Variants in MYO3A observed in about 807,000 individuals in gnomAD.
The protein encoded by MYO3A is myosin IIIA.
In MYO3A, 180 loss-of-function variants were observed where a neutral mutation model predicts 192.7. The observed-to-expected ratio is 0.93, with a 90% confidence interval of 0.83 to 1.06. The LOEUF (loss-of-function observed/expected upper bound fraction) is 1.06. Among genes scored for constraint, MYO3A ranks in the 50% least tolerant of loss-of-function variants. The pLI, the probability that MYO3A is intolerant of heterozygous loss-of-function variation, is 0.00. For synonymous variants in MYO3A, 628 were observed against 645.3 expected (o/e 0.97, Z 0.41); for missense variants, 1,896 against 1,905.0 (o/e 1.00, Z 0.09).
intron 10 of MYO3A, among the ~76,000 whole-genome samples, chr10:26,044,051 T>C (rs1256655530): frequency 6.6e-6 from 1 of 152,154 alleles, no homozygotes; most frequent in African/African-American, 2.4e-5. Context: ...CAGGTCTTGG[T>C]TCTTCCCTTT....
chr10:26,026,641 CT>C, intron 10 of MYO3A, 109 bp downstream of exon 10: 1 of 1,290,278 alleles, frequency 7.8e-7, no homozygotes, highest in Non-Finnish European at 1.1e-6. Context: ...GTAATGGGGA[CT>C]TACATGAAAA....
rs555293987 is a variant in MYO3A at position 26,090,796 on chromosome 10, G to A, written c.1562+2391G>A. Among the ~76,000 whole-genome samples, 47 of 152,350 alleles carry A rather than the reference G, an allele frequency of 3.1e-4. No individual in the cohort carries two copies. The South Asian group carries it at 3.3e-3, about 11-fold the overall frequency. On this transcript the variant is annotated intron_variant, in intron 15 of 34. Transcript: ENST00000642920. ...TTTAACTGAGAAAACTGTTTACAGA[G>A]ATCACATGGGCATTGAAGAGCCAAG...
intron 17 of MYO3A, among the ~76,000 whole-genome samples, chr10:26,099,393 A>G (rs1837283183): frequency 6.6e-6 from 1 of 152,082 alleles, no homozygotes; most frequent in Admixed American, 6.6e-5. Context: ...CTAATTGAAT[A>G]CCCTTTATTT....
intron 32 of MYO3A, among the ~76,000 whole-genome samples, chr10:26,194,972 G>A (rs555335754): frequency 6.6e-6 from 1 of 152,270 alleles, no homozygotes; most frequent in South Asian, 2.1e-4. Context: ...TAAATCGCAT[G>A]CCATACAATT....
rs138943991 is a variant in MYO3A at position 26,113,314 on chromosome 10, C to A, written c.1777-7362C>A. ...GTGAAACCCCGTCTCTTTTAAAATA[C>A]AAAAAATTAGCCAGTTGTGGCAGCG... On this transcript the variant is annotated intron_variant, in intron 17 of 34. Coordinates refer to ENST00000642920, the MANE Select transcript of MYO3A (RefSeq NM_017433.5). Among the ~76,000 whole-genome samples the A allele has an allele frequency of 5.0e-3, 759 of 151,770 alleles. 6 individuals carry two copies. The highest frequency in any genetic ancestry group is 0.017 in the African/African-American group (686 of 41,410).
chr10:26,170,024 A>T (rs1378836924), intron 28 of MYO3A, among the ~76,000 whole-genome samples: 1 of 152,382 alleles, frequency 6.6e-6, no homozygotes. Flanking sequence ...AAACTTAAAA[A>T]AAATTAATCT....
chr10:26,179,113 T>TTTTTTTTTTG lies in MYO3A; in HGVS notation c.4438+2270_4438+2271insTTTTTTTGTT, dbSNP rs1386278741. Among the ~76,000 whole-genome samples, 259 of 142,006 alleles carry TTTTTTTTTTG rather than the reference T, an allele frequency of 1.8e-3. 13 individuals carry two copies. Among genetic ancestry groups the TTTTTTTTTTG allele is most frequent in the African/African-American group, 6.8e-3 (252 of 37,198 alleles). The allele number at this position is 142,006 out of a possible 152,430, so 93.2% of individuals were successfully genotyped here. ...AATTTTTTTTTTTTTTTTTTTTTTTTTTGAGACGGAGTTTCACTCTTGTTG... is the reference window on the plus strand; with the variant it reads ...AATTTTTTTTTTTTTTTTTTTTTTTTTTTTTTTTTGTTGAGACGGAGTTTCACTCTTGTTG... On this transcript the variant is annotated intron_variant, in intron 31 of 34. Coordinates refer to ENST00000642920, the MANE Select transcript of MYO3A (RefSeq NM_017433.5).
intron 4 of MYO3A, among the ~76,000 whole-genome samples, chr10:25,976,019 G>A (rs908295395): frequency 6.6e-6 from 1 of 152,114 alleles, no homozygotes; most frequent in African/African-American, 2.4e-5. Context: ...TTAGTCTTTG[G>A]GGAAATTTAA....
chr10:25,943,504 C>G (rs1315737060), intron 2 of MYO3A, among the ~76,000 whole-genome samples: 1 of 152,050 alleles, frequency 6.6e-6, no homozygotes, highest in Non-Finnish European at 1.5e-5. Flanking sequence ...TCTTCTAATC[C>G]ATGAACACAG....
intron 30 of MYO3A, among the ~76,000 whole-genome samples, chr10:26,176,289 G>C (rs1211426104): frequency 1.4e-5 from 2 of 145,028 alleles, no homozygotes; most frequent in Admixed American, 6.9e-5. Context: ...GCGAGACTCC[G>C]TCTCAAAAAA....
intron 32 of MYO3A, among the ~76,000 whole-genome samples, chr10:26,199,625 T>G (rs1406503411): frequency 6.6e-6 from 1 of 151,638 alleles, no homozygotes; most frequent in African/African-American, 2.4e-5. Context: ...GAAAGATGTC[T>G]GGACAATACA....
intron 6 of MYO3A, among the ~76,000 whole-genome samples, chr10:26,013,672 TGTAAATTA>T (rs1033906751): frequency 4.4e-4 from 67 of 152,140 alleles, no homozygotes; most frequent in African/African-American, 1.6e-3. Flanking sequence ...CTGGTGAAAA[TGTAAATTA>T]GTACAACCTC....
intron 10 of MYO3A, among the ~76,000 whole-genome samples, chr10:26,030,096 G>A (rs1436693929): frequency 2.0e-5 from 3 of 152,026 alleles, no homozygotes; most frequent in African/African-American, 7.2e-5. Context: ...TTTTTCCCAG[G>A]CAAGGGACCC....
chr10:25,996,656 T>A (rs931189600), intron 5 of MYO3A, 62 bp downstream of exon 5: 24 of 1,378,968 alleles, frequency 1.7e-5, no homozygotes, highest in Non-Finnish European at 2.5e-5. Flanking sequence ...AAAATGTAGA[T>A]CCTATTTTTA....
rs375303036 is a variant in MYO3A, at chr10:26,088,291, A to G, written c.1448A>G (p.Asn483Ser). 1 of 1,613,828 alleles carries G rather than the reference A, an allele frequency of 6.2e-7. No individual in the cohort carries two copies. The highest frequency in any genetic ancestry group is 8.5e-7 in the Non-Finnish European group (1 of 1,179,782). ...FGNACTIIND[N>S]SSRFGKYLEM... The stretch of plus-strand genomic sequence containing the variant: ...AATGCCTGCACTATTATAAATGACA[A>G]TTCTAGCAGATTTGGAAAATACTTA... Residue 483 changes from asparagine (N) to serine (S), a missense_variant, in exon 15 of 35, where the codon AAT becomes AGT. Physicochemically the swap from Asn to Ser is conservative, Grantham distance 46. Transcript: ENST00000642920.
At chr10:26,002,512 A>G (rs1021138601) in intron 6 of MYO3A, among the ~76,000 whole-genome samples, 15 of 152,082 alleles carry the variant, frequency 9.9e-5, no homozygotes, top group African/African-American at 3.6e-4. Flanking sequence ...TGATTGGCTA[A>G]ATTAAAGAGA....
In MYO3A at chr10:25,980,616, AG is replaced by A. The variant is rs375357810; in HGVS notation, c.304-15870del. Among the ~76,000 whole-genome samples the A allele has an allele frequency of 5.6e-4, 86 of 152,302 alleles. 2 individuals carry two copies. The highest frequency in any genetic ancestry group is 2.1e-3 in the African/African-American group (86 of 41,574). ...GATTTCATTCTGGAGAAGACATTCTAGGGGCACTTCATTTATATTGAACTTG... is the reference window on the plus strand; with the variant it reads ...GATTTCATTCTGGAGAAGACATTCTAGGGCACTTCATTTATATTGAACTTG... On this transcript the variant is annotated intron_variant, in intron 4 of 34. Transcript: ENST00000642920.
chr10:26,089,688 T>C (rs1836576056), intron 15 of MYO3A, among the ~76,000 whole-genome samples: 2 of 152,190 alleles, frequency 1.3e-5, no homozygotes, highest in South Asian at 4.1e-4. Context: ...TTGGGTAAGA[T>C]ATTTAAACCT....
intron 31 of MYO3A, among the ~76,000 whole-genome samples, chr10:26,180,169 T>C (rs1842553454): frequency 1.3e-5 from 2 of 152,204 alleles, no homozygotes; most frequent in African/African-American, 2.4e-5. Context: ...TTCCTGAGTA[T>C]AGTATTTAAT....
Sources: allele counts gnomAD v4.1 joint callset (sites outside exome capture counted in the v4.1 genomes callset), GRCh38; gene constraint gnomAD v4.1.1; transcripts MANE v1.5; gene names NCBI Gene and HGNC (gene_info 2026-07-23, HGNC 2026-07-21).